Variants in PRKAR1A observed in about 807,000 individuals in gnomAD.
PRKAR1A encodes the protein cAMP-dependent protein kinase type I-alpha regulatory subunit.
Under a neutral mutation model 52.0 loss-of-function variants are expected in PRKAR1A, and 3 were observed. The observed-to-expected ratio is 0.06, with a 90% confidence interval of 0.03 to 0.15. The LOEUF (loss-of-function observed/expected upper bound fraction) is 0.15, where lower values mean the gene tolerates loss of function less well. PRKAR1A is among the 10% of genes least tolerant of loss of function. The pLI is 1.00. For synonymous variants in PRKAR1A, 188 were observed against 168.4 expected (o/e 1.12, Z -0.90); for missense variants, 240 against 477.4 (o/e 0.50, Z 4.63).
At chr17:68,428,834 G>A in the PRKAR1A span, 55 of 1,612,234 alleles carry the variant, frequency 3.4e-5, 1 homozygote, top group South Asian at 5.8e-4. Context: ...TTCACCTGTG[G>A]GTTTTGATTA....
chr17:68,413,698 C>A, the PRKAR1A span: 1 of 158,406 alleles, frequency 6.3e-6, no homozygotes, highest in Non-Finnish European at 1.4e-5. Context: ...CAATGGCAGG[C>A]GCCCCTCCCC....
chr17:68,533,473 T>C, downstream of PRKAR1A: 1 of 1,004,322 alleles, frequency 1.0e-6, no homozygotes, highest in Non-Finnish European at 1.2e-6. Flanking sequence ...GAATTCTCTC[T>C]AAACAGTGGC....
At chr17:68,483,256 G>C in the PRKAR1A span, among the ~76,000 whole-genome samples, 1 of 152,116 alleles carries the variant, frequency 6.6e-6, no homozygotes, top group Non-Finnish European at 1.5e-5. Context: ...AGAGGTGGGT[G>C]AATCACCTGA....
In PRKAR1A at chr17:68,522,796, C is replaced by G. The variant is rs769706055; in HGVS notation, c.218C>G (p.Thr73Ser). The G allele has an allele frequency of 1.3e-5, 21 of 1,613,984 alleles. No homozygotes were observed. The highest frequency in any genetic ancestry group is 1.8e-5 in the Non-Finnish European group (21 of 1,179,982). The stretch of plus-strand genomic sequence containing the variant: ...ATTCAGAATCTGCAGAAAGCAGGCA[C>G]TCGTACAGACTCAAGGGAGGATGAG... ...KQIQNLQKAGTRTDSREDEIS... is the reference protein window; with the variant it reads ...KQIQNLQKAGSRTDSREDEIS... The change falls in exon 3 of 11, where the codon ACT (threonine) becomes AGT (serine). Residue 73 changes from threonine (T) to serine (S), a missense_variant. Physicochemically the swap from Thr to Ser is moderately conservative, Grantham distance 58 (BLOSUM62 1). This residue lies in a region of PRKAR1A where 107 missense variants were observed against 114.6 expected (regional missense o/e 0.93). Transcript: ENST00000589228.
At chr17:68,473,493 G>T in the PRKAR1A span, among the ~76,000 whole-genome samples, 2 of 152,070 alleles carry the variant, frequency 1.3e-5, no homozygotes, top group African/African-American at 4.8e-5. Flanking sequence ...AGTTGATTTG[G>T]TAAATCAATT....
the PRKAR1A span, among the ~76,000 whole-genome samples, chr17:68,492,606 C>T: frequency 1.1e-4 from 16 of 152,122 alleles, no homozygotes; most frequent in Non-Finnish European, 2.2e-4. Context: ...CTATGCAGCG[C>T]CAAAGTGTGT....
downstream of PRKAR1A, chr17:68,536,310 CTTT>C: frequency 2.2e-6 from 1 of 454,056 alleles, no homozygotes; most frequent in Non-Finnish European, 4.4e-6. Flanking sequence ...GGCATTTTTA[CTTT>C]TGTTGACTGA....
the PRKAR1A span, among the ~76,000 whole-genome samples, chr17:68,470,061 A>G: frequency 1.3e-5 from 2 of 152,152 alleles, no homozygotes; most frequent in Middle Eastern, 3.4e-3. Flanking sequence ...GAATGTGAGT[A>G]AAAAAGGCGA....
the PRKAR1A span, among the ~76,000 whole-genome samples, chr17:68,503,251 T>C: frequency 1.3e-5 from 2 of 152,190 alleles, no homozygotes; most frequent in Non-Finnish European, 2.9e-5. Flanking sequence ...CTCTCATTCA[T>C]TGCTGGTGGG....
chr17:68,430,210 C>G, the PRKAR1A span: 10 of 1,553,740 alleles, frequency 6.4e-6, no homozygotes, highest in East Asian at 2.0e-4. Context: ...AGGCCCCACA[C>G]GCACCCAGGA....
chr17:68,420,046 T>C, the PRKAR1A span: 5 of 954,050 alleles, frequency 5.2e-6, no homozygotes, highest in East Asian at 7.3e-5. Flanking sequence ...CAAGGTAATA[T>C]TTCTTTGACA....
At chr17:68,517,123 A>G (rs1302571663) in intron 2 of PRKAR1A, among the ~76,000 whole-genome samples, 1 of 152,248 alleles carries the variant, frequency 6.6e-6, no homozygotes, top group Non-Finnish European at 1.5e-5. Context: ...TGCAGATGGA[A>G]TTTTTAGATT....
chr17:68,520,322 T>C (rs1322050055), intron 2 of PRKAR1A, among the ~76,000 whole-genome samples: 1 of 152,166 alleles, frequency 6.6e-6, no homozygotes, highest in East Asian at 1.9e-4. Context: ...CGGGAAAACA[T>C]AGTAGTGGGG....
chr17:68,522,102 C>T (rs1600477045), intron 2 of PRKAR1A, among the ~76,000 whole-genome samples: 1 of 152,312 alleles, frequency 6.6e-6, no homozygotes, highest in East Asian at 1.9e-4. Flanking sequence ...TAGATACGAT[C>T]TCGTTTAAAT....
the PRKAR1A span, among the ~76,000 whole-genome samples, chr17:68,472,230 G>A: frequency 2.0e-5 from 3 of 152,096 alleles, no homozygotes; most frequent in African/African-American, 7.2e-5. Flanking sequence ...GGCAAGTAAG[G>A]CCATTCAGGA....
chr17:68,415,896 G>A, the PRKAR1A span, among the ~76,000 whole-genome samples: 468 of 152,224 alleles, frequency 3.1e-3, no homozygotes, highest in African/African-American at 6.5e-3. Context: ...TACTTTAAAT[G>A]TATGCGAGTC....
the PRKAR1A span, among the ~76,000 whole-genome samples, chr17:68,454,724 A>ATG: frequency 6.6e-6 from 1 of 152,208 alleles, no homozygotes; most frequent in African/African-American, 2.4e-5. Context: ...ATAAATATAG[A>ATG]TGTGTTTGGC....
chr17:68,447,071 T>G, the PRKAR1A span, among the ~76,000 whole-genome samples: 1 of 152,216 alleles, frequency 6.6e-6, no homozygotes, highest in Non-Finnish European at 1.5e-5. Flanking sequence ...GTCTGTTGCT[T>G]TGAATTTCAT....
chr17:68,550,940 TGGGGCTC>T (rs2086807153), intron 11 of PRKAR1A: 4 of 584,094 alleles, frequency 6.8e-6, no homozygotes, highest in Non-Finnish European at 1.0e-5. Flanking sequence ...AACCATCTAC[TGGGGCTC>T]TCAATGGGCC....
Sources: allele counts gnomAD v4.1 joint callset (sites outside exome capture counted in the v4.1 genomes callset), GRCh38; gene constraint gnomAD v4.1.1; regional missense constraint gnomAD v4.1.1; transcripts MANE v1.5; gene names NCBI Gene and HGNC (gene_info 2026-07-23, HGNC 2026-07-21).